MPZL3: variants seen among roughly 807,000 people sequenced by gnomAD.
The protein encoded by MPZL3 is myelin protein zero like 3.
Under a neutral mutation model 24.8 loss-of-function variants are expected in MPZL3, and 23 were observed. The observed-to-expected ratio is 0.93, with a 90% CI of 0.67 to 1.31. The LOEUF is 1.31. Among genes scored for constraint, MPZL3 ranks in the 40% most tolerant of loss-of-function variants. The pLI is 0.00. For synonymous variants in MPZL3, 99 were observed against 106.5 expected (o/e 0.93, Z 0.44); for missense variants, 277 against 294.9 (o/e 0.94, Z 0.44).
chr11:118,230,404 TA>T (rs1565490529), intron 5 of MPZL3, among the ~76,000 whole-genome samples: 1 of 152,164 alleles, frequency 6.6e-6, no homozygotes, highest in African/African-American at 2.4e-5. Context: ...ATGGGGATAA[TA>T]AAAATACACC....
intron 1 of MPZL3, among the ~76,000 whole-genome samples, chr11:118,248,165 TC>T (rs1256989158): frequency 7.8e-6 from 1 of 128,660 alleles, no homozygotes; most frequent in African/African-American, 2.8e-5. Context: ...ATCCTCCACC[TC>T]CCGGGTTCAA....
At chr11:118,242,075 T>C (rs1480390972) in intron 1 of MPZL3, among the ~76,000 whole-genome samples, 3 of 152,162 alleles carry the variant, frequency 2.0e-5, no homozygotes, top group Non-Finnish European at 4.4e-5. Context: ...GAATGGACAA[T>C]CTACACTCTC....
In MPZL3 at chr11:118,243,212, C is replaced by T. The variant is rs530570544; in HGVS notation, c.74-2835G>A. 5.3e-5 allele frequency among the ~76,000 whole-genome samples: 8 copies of T among 152,294 alleles called. No homozygotes were observed. The South Asian group carries it at 1.7e-3, about 32-fold the overall frequency. On this transcript the variant is annotated intron_variant, in intron 1 of 5. Transcript: ENST00000278949. ...CAAACGTTTAACTGGCCTTGCTTAG[C>T]TTCCCATTCCATGATTCCTCAAGCC...
At chr11:118,251,383 T>C (rs1429262212) in intron 1 of MPZL3, among the ~76,000 whole-genome samples, 1 of 151,988 alleles carries the variant, frequency 6.6e-6, no homozygotes, top group Non-Finnish European at 1.5e-5. Context: ...GAAATCCCCA[T>C]TACCCTCAAG....
chr11:118,252,185 C>T lies in MPZL3; in HGVS notation c.73+37G>A, dbSNP rs773498006. On this transcript the variant is annotated intron_variant, in intron 1 of 5. Coordinates refer to ENST00000278949, the MANE Select transcript of MPZL3 (RefSeq NM_198275.3). The stretch of plus-strand genomic sequence containing the variant: ...AAAGCGACCATCTTCCCTAACCCCC[C>T]GGCCGGAAGTGGAGCGTAGCCAGCC... The T allele has an allele frequency of 5.0e-6, 8 of 1,609,670 alleles. No homozygotes were observed. The South Asian group carries it at 6.6e-5, about 13-fold the overall frequency.
rs1949282268 is a variant in MPZL3, at chr11:118,227,275, A to C, written c.*2619T>G. On this transcript the variant is annotated 3_prime_UTR_variant, in exon 6 of 6. Transcript: ENST00000278949. ...AAGGCTTTTAACCCCTTCTGAACTA[A>C]GTTCCCTTTCTAAACGAGGCTGGTT... is the stretch of plus-strand genomic sequence containing the variant. 1 of 152,232 alleles carries C rather than the reference A, an allele frequency of 6.6e-6. No homozygotes were observed. The highest frequency in any genetic ancestry group is 1.5e-5 in the Non-Finnish European group (1 of 68,028). 9.4% of individuals were successfully genotyped at this position (152,232 alleles called of 1,614,324 possible). A position where few individuals can be genotyped will look rare whatever the true frequency, so the allele number is the denominator to read the frequency against.
Position 118,235,390 on chromosome 11 carries a change from C to A in MPZL3, c.617+34G>T, listed in dbSNP as rs1006990854. 13 of 1,609,246 alleles carry A rather than the reference C, an allele frequency of 8.1e-6. No homozygotes were observed. In the Admixed American group the frequency reaches 8.4e-5, roughly 10 times the overall value. On this transcript the variant is annotated intron_variant, in intron 4 of 5. Coordinates refer to ENST00000278949, the MANE Select transcript of MPZL3 (RefSeq NM_198275.3). The stretch of plus-strand genomic sequence containing the variant: ...TCTGGGTAGAGCGCTAAGGAGGAAA[C>A]AGGCTTGCTGCCCAGGGCTCCTGCT...
intron 1 of MPZL3, among the ~76,000 whole-genome samples, chr11:118,246,580 CTTTTCTTTTT>C (rs1239898196): frequency 9.3e-6 from 1 of 106,976 alleles, no homozygotes; most frequent in Non-Finnish European, 1.9e-5. Context: ...TTCTTTTTTT[CTTTTCTTTTT>C]TTTTTTTTTT....
Position 118,239,998 on chromosome 11 carries a change from A to T in MPZL3, c.240+213T>A, listed in dbSNP as rs145093924. On this transcript the variant is annotated intron_variant, in intron 2 of 5. Coordinates refer to ENST00000278949, the MANE Select transcript of MPZL3 (RefSeq NM_198275.3). ...ACCACATTTCCTCTGAGTTTCTGAC[A>T]GCTTTTTTCCTGCAGCTTATTTACA... 1.4e-4 allele frequency among the ~76,000 whole-genome samples: 21 copies of T among 152,328 alleles called. No homozygotes were observed. In the East Asian group the frequency reaches 3.9e-3, roughly 28 times the overall value.
At chr11:118,237,478 T>G (rs1238946512) in intron 2 of MPZL3, among the ~76,000 whole-genome samples, 1 of 152,078 alleles carries the variant, frequency 6.6e-6, no homozygotes, top group Admixed American at 6.5e-5. Flanking sequence ...TTGAATCTCT[T>G]CTAAATTCTC....
intron 1 of MPZL3, among the ~76,000 whole-genome samples, chr11:118,243,420 G>C (rs2134711317): frequency 6.6e-6 from 1 of 152,214 alleles, no homozygotes; most frequent in East Asian, 1.9e-4. Flanking sequence ...TCCTATGCGA[G>C]GCCAGGTCCT....
chr11:118,241,796 G>T (rs922296139), intron 1 of MPZL3, among the ~76,000 whole-genome samples: 3 of 152,100 alleles, frequency 2.0e-5, no homozygotes, highest in Non-Finnish European at 4.4e-5. Context: ...TTAAAAGGAG[G>T]AGACCAAAAC....
At chr11:118,236,231 T>A (rs1051748433) in intron 3 of MPZL3, among the ~76,000 whole-genome samples, 4 of 152,026 alleles carry the variant, frequency 2.6e-5, no homozygotes, top group Non-Finnish European at 4.4e-5. Context: ...ATGAATGTGC[T>A]CATCTTTGAA....
chr11:118,249,736 G>A (rs534729890), intron 1 of MPZL3, among the ~76,000 whole-genome samples: 1 of 151,864 alleles, frequency 6.6e-6, no homozygotes, highest in South Asian at 2.1e-4. Flanking sequence ...AGAAACCTAG[G>A]TCCCCTAGTC....
intron 2 of MPZL3, among the ~76,000 whole-genome samples, chr11:118,239,162 C>T (rs775762936): frequency 5.3e-5 from 8 of 152,152 alleles, no homozygotes; most frequent in Non-Finnish European, 8.8e-5. Context: ...CCATTGCTTG[C>T]TCTGTCCTAC....
chr11:118,236,924 G>T, intron 3 of MPZL3, 126 bp downstream of exon 3: 1 of 721,258 alleles, frequency 1.4e-6, no homozygotes, highest in Non-Finnish European at 2.3e-6. Flanking sequence ...AAATTACTTC[G>T]ATTCAATGAT....
rs1949437980 is a variant in MPZL3 at position 118,237,234 on chromosome 11, G to A, written c.267C>T (p.Tyr89=). Residue 89 remains tyrosine (Y), a synonymous_variant, in exon 3 of 6, where the codon TAC becomes TAT. Coordinates refer to ENST00000278949, the MANE Select transcript of MPZL3 (RefSeq NM_198275.3). ...VSIFHYQSFQ[Y]PTTAGTFRDR... Reference sequence around the variant, plus strand: ...CCCGAAATGTGCCTGCTGTGGTTGGGTACTGGAAAGACTGATAATGAAATA... The same window carrying A: ...CCCGAAATGTGCCTGCTGTGGTTGGATACTGGAAAGACTGATAATGAAATA... 6.2e-7 allele frequency: 1 copy of A among 1,614,024 alleles called. No individual in the cohort carries two copies. Among genetic ancestry groups the A allele is most frequent in the Non-Finnish European group, 8.5e-7 (1 of 1,179,944 alleles).
At chr11:118,248,643 G>A (rs1260830974) in intron 1 of MPZL3, among the ~76,000 whole-genome samples, 2 of 145,404 alleles carry the variant, frequency 1.4e-5, no homozygotes, top group Non-Finnish European at 3.0e-5. Flanking sequence ...CTAAAATTCA[G>A]GGCTGGTGAA....
At chr11:118,243,121 C>T (rs912336818) in intron 1 of MPZL3, among the ~76,000 whole-genome samples, 2 of 152,182 alleles carry the variant, frequency 1.3e-5, no homozygotes, top group Non-Finnish European at 2.9e-5. Context: ...AAAAATCACA[C>T]GACTGGACAA....
Sources: allele counts gnomAD v4.1 joint callset (sites outside exome capture counted in the v4.1 genomes callset), GRCh38; gene constraint gnomAD v4.1.1; transcripts MANE v1.5; gene names NCBI Gene and HGNC (gene_info 2026-07-23, HGNC 2026-07-21).